KCNAB1: variants seen among roughly 807,000 people sequenced by gnomAD.
The protein encoded by KCNAB1 is voltage-gated potassium channel subunit beta-1.
Under a neutral mutation model 64.6 loss-of-function variants are expected in KCNAB1, and 35 were observed. The observed-to-expected ratio is 0.54, with a 90% confidence interval of 0.41 to 0.72. The LOEUF (loss-of-function observed/expected upper bound fraction) is 0.72. Among genes scored for constraint, KCNAB1 ranks in the 30% least tolerant of loss-of-function variants. The probability of loss-of-function intolerance (pLI) is 0.00; values close to 1 mark genes in which losing one functional copy is unlikely to be tolerated. For synonymous variants in KCNAB1, 177 were observed against 183.8 expected (o/e 0.96, Z 0.30); for missense variants, 401 against 512.9 (o/e 0.78, Z 2.11).
chr3:156,341,842 TTTCTA>T (rs1350319078), intron 1 of KCNAB1, among the ~76,000 whole-genome samples: 2 of 152,178 alleles, frequency 1.3e-5, no homozygotes, highest in Non-Finnish European at 2.9e-5. Context: ...GCTCTGATAT[TTTCTA>T]TTCTATTCCA....
intron 1 of KCNAB1, among the ~76,000 whole-genome samples, chr3:156,371,489 G>T (rs187789740): frequency 4.6e-4 from 70 of 152,246 alleles, no homozygotes; most frequent in Admixed American, 4.0e-3. Context: ...TCTTGAAATT[G>T]TCTTGACTGC....
At chr3:156,178,646 T>A (rs1328546165) in intron 1 of KCNAB1, among the ~76,000 whole-genome samples, 4 of 152,214 alleles carry the variant, frequency 2.6e-5, no homozygotes, top group African/African-American at 9.7e-5. Context: ...GAGAACCTAC[T>A]TGGCATATGG....
intron 1 of KCNAB1, among the ~76,000 whole-genome samples, chr3:156,386,745 A>G (rs1712624472): frequency 6.6e-6 from 1 of 152,158 alleles, no homozygotes; most frequent in African/African-American, 2.4e-5. Context: ...ACCTCACCTC[A>G]TCTCTGAGGA....
At chr3:156,424,443 T>C (rs888778882) in intron 2 of KCNAB1, among the ~76,000 whole-genome samples, 1 of 152,154 alleles carries the variant, frequency 6.6e-6, no homozygotes, top group Non-Finnish European at 1.5e-5. Context: ...TCTGATATTG[T>C]TACTATTTAC....
intron 8 of KCNAB1, among the ~76,000 whole-genome samples, chr3:156,495,452 C>G (rs1478236623): frequency 6.6e-6 from 1 of 152,148 alleles, no homozygotes; most frequent in Admixed American, 6.5e-5. Flanking sequence ...CAGCACTATT[C>G]ACAAAAGCAA....
chr3:156,524,746 CAAAAAAAAAAAAAAAA>C (rs10553136), intron 12 of KCNAB1, among the ~76,000 whole-genome samples: 3 of 74,436 alleles, frequency 4.0e-5, no homozygotes, highest in Admixed American at 2.1e-4. Flanking sequence ...GACTCCATCT[CAAAAAAAAAAAAAAAA>C]AAAAAAAAAA....
At chr3:156,124,713 T>C (rs1042329358) in intron 1 of KCNAB1, among the ~76,000 whole-genome samples, 2 of 152,302 alleles carry the variant, frequency 1.3e-5, no homozygotes, top group African/African-American at 4.8e-5. Flanking sequence ...CTTATTGCTT[T>C]CTCTGTACTA....
intron 1 of KCNAB1, chr3:156,291,267 G>C: frequency 2.0e-6 from 2 of 987,490 alleles, no homozygotes; most frequent in Non-Finnish European, 2.4e-6. Context: ...AGAATGAGTG[G>C]GGAGGGGTCT....
chr3:156,373,609 C>CT (rs973759434), intron 1 of KCNAB1, among the ~76,000 whole-genome samples: 7 of 152,164 alleles, frequency 4.6e-5, no homozygotes, highest in South Asian at 2.1e-4. Context: ...TAACAAAATA[C>CT]TTTTTTTTAA....
Position 156,487,694 on chromosome 3 carries a change from C to T in KCNAB1, c.658+12874C>T, listed in dbSNP as rs893045546. ...GGAAGCAGTAGGAAGGGAAAGAAAGCTTAGTGTTAACCAATATTCTTCTGT... is the reference window on the plus strand; with the variant it reads ...GGAAGCAGTAGGAAGGGAAAGAAAGTTTAGTGTTAACCAATATTCTTCTGT... On this transcript the variant is annotated intron_variant, in intron 8 of 13. Transcript: ENST00000490337. Among the ~76,000 whole-genome samples, 110 of 152,066 alleles carry T rather than the reference C, an allele frequency of 7.2e-4. 1 individual carries two copies. Among genetic ancestry groups the T allele is most frequent in the African/African-American group, 2.6e-3 (106 of 41,426 alleles).
chr3:156,337,591 A>T (rs1398472688), intron 1 of KCNAB1, among the ~76,000 whole-genome samples: 1 of 152,182 alleles, frequency 6.6e-6, no homozygotes, highest in Admixed American at 6.5e-5. Flanking sequence ...GTGAAAGTAC[A>T]TTCACTGTGT....
intron 1 of KCNAB1, among the ~76,000 whole-genome samples, chr3:156,333,216 T>C (rs1363811178): frequency 1.3e-5 from 2 of 151,998 alleles, no homozygotes; most frequent in Non-Finnish European, 1.5e-5. Flanking sequence ...CACAAGTAAG[T>C]TTCCCCCTTT....
intron 1 of KCNAB1, among the ~76,000 whole-genome samples, chr3:156,408,522 G>C (rs1189821595): frequency 3.3e-5 from 5 of 152,344 alleles, no homozygotes; most frequent in African/African-American, 1.2e-4. Flanking sequence ...GCTCATGCCT[G>C]TAATCCCAGC....
chr3:156,529,913 T>A (rs780568499), intron 12 of KCNAB1, among the ~76,000 whole-genome samples: 5 of 152,014 alleles, frequency 3.3e-5, no homozygotes, highest in Non-Finnish European at 7.4e-5. Context: ...CATCTATGAG[T>A]CCAGCAACAC....
rs140658859 is a variant in KCNAB1 at position 156,138,017 on chromosome 3, G to A, written c.275+17131G>A. 4.3e-3 allele frequency among the ~76,000 whole-genome samples: 654 copies of A among 152,286 alleles called. 4 individuals carry two copies. The highest frequency in any genetic ancestry group is 0.015 in the African/African-American group (622 of 41,556). On this transcript the variant is annotated intron_variant, in intron 1 of 13. Coordinates refer to ENST00000490337, the MANE Select transcript of KCNAB1 (RefSeq NM_172160.3). ...TTTGCTCATATCACATCACTTCGTA[G>A]TCTTTACTGGTTTCTCTCCTCTCCT...
intron 1 of KCNAB1, among the ~76,000 whole-genome samples, chr3:156,172,885 A>G (rs773011173): frequency 1.3e-5 from 2 of 152,222 alleles, no homozygotes; most frequent in African/African-American, 4.8e-5. Flanking sequence ...AGCAGTTCCA[A>G]TCTACCCATG....
chr3:156,172,086 G>A (rs921150509), intron 1 of KCNAB1, among the ~76,000 whole-genome samples: 78 of 152,270 alleles, frequency 5.1e-4, no homozygotes, highest in African/African-American at 1.8e-3. Flanking sequence ...CAAGGTGAGC[G>A]TTTGATGCCC....
intron 7 of KCNAB1, among the ~76,000 whole-genome samples, chr3:156,467,516 A>G (rs1713506832): frequency 6.6e-6 from 1 of 152,036 alleles, no homozygotes; most frequent in African/African-American, 2.4e-5. Context: ...TGCTCATCCA[A>G]TCTCATCCCA....
At chr3:156,235,556 C>T (rs1034051502) in intron 1 of KCNAB1, among the ~76,000 whole-genome samples, 3 of 152,202 alleles carry the variant, frequency 2.0e-5, no homozygotes, top group African/African-American at 7.2e-5. Flanking sequence ...ACGTGGCTGA[C>T]CCAAATGTTT....
Sources: gnomAD v4.1 joint callset for allele counts (sites outside exome capture counted in the v4.1 genomes callset) on GRCh38, gnomAD v4.1.1 for gene constraint, MANE v1.5 for transcripts, NCBI Gene and HGNC (gene_info 2026-07-23, HGNC 2026-07-21) for gene names.